The following CTPS2 variants were observed in gnomAD, a reference collection of about 807,000 sequenced individuals.
CTPS2 encodes the protein CTP synthase II.
In CTPS2, 19 loss-of-function variants were observed where a neutral mutation model predicts 46.8. The ratio of observed to expected loss-of-function variants is 0.41; its 90% CI spans 0.28 to 0.60. The LOEUF is 0.60. CTPS2 is among the 20% of genes least tolerant of loss of function. The pLI is 0.35. For missense variants in CTPS2, 286 were observed against 447.6 expected, an observed-to-expected ratio of 0.64 and a Z score of 3.26; for synonymous variants, 151 against 165.2, an observed-to-expected ratio of 0.91 and a Z score of 0.66.
At chrX:16,657,732 T>C (rs920192260) in intron 13 of CTPS2, among the ~76,000 whole-genome samples, 1 of 112,092 alleles carries the variant, frequency 8.9e-6, no homozygotes, top group African/African-American at 3.2e-5. Context: ...TGCTGCTCTT[T>C]GTGATTAGCC....
chrX:16,700,663 C>G (rs1397395677), intron 2 of CTPS2, among the ~76,000 whole-genome samples: 5 of 110,246 alleles, frequency 4.5e-5, no homozygotes, highest in African/African-American at 1.6e-4. Context: ...CCCAAAATCT[C>G]TGCAACTTAC....
At chrX:16,620,978 C>A (rs1930795287) in intron 14 of CTPS2, among the ~76,000 whole-genome samples, 1 of 112,233 alleles carries the variant, frequency 8.9e-6, no homozygotes, top group Admixed American at 9.5e-5. Flanking sequence ...ATGTGCACTG[C>A]TGAATTATTT....
At chrX:16,656,344 G>C (rs914959570) in intron 13 of CTPS2, among the ~76,000 whole-genome samples, 1 of 111,250 alleles carries the variant, frequency 9.0e-6, no homozygotes, top group Non-Finnish European at 1.9e-5. Flanking sequence ...TCGCGCTCTA[G>C]AGCCCAGACT....
At chrX:16,680,673 C>T (rs1157287265) in intron 9 of CTPS2, among the ~76,000 whole-genome samples, 1 of 110,934 alleles carries the variant, frequency 9.0e-6, no homozygotes, top group African/African-American at 3.3e-5. Context: ...TTTTCCATTG[C>T]CATTTTCTTT....
At chrX:16,670,326 G>A (rs1207691973) in intron 11 of CTPS2, among the ~76,000 whole-genome samples, 2 of 112,227 alleles carry the variant, frequency 1.8e-5, no homozygotes, top group Non-Finnish European at 3.8e-5. Context: ...AAACTCTGAC[G>A]TTGGACCACA....
intron 9 of CTPS2, 66 bp downstream of exon 9, chrX:16,683,028 C>T: frequency 8.6e-7 from 1 of 1,167,864 alleles, no homozygotes; most frequent in Admixed American, 2.3e-5. Flanking sequence ...ACAAAACTTG[C>T]CCCTCTGGAA....
chrX:16,633,520 G>A (rs1032267471), intron 14 of CTPS2, among the ~76,000 whole-genome samples: 18 of 111,886 alleles, frequency 1.6e-4, no homozygotes, highest in Admixed American at 8.6e-4. Flanking sequence ...GGACACAGCC[G>A]TGCTCGTTCA....
At chrX:16,592,780 A>G (rs2147153911) in intron 17 of CTPS2, among the ~76,000 whole-genome samples, 1 of 112,274 alleles carries the variant, frequency 8.9e-6, no homozygotes, top group East Asian at 2.8e-4. Flanking sequence ...CATAGGTCCA[A>G]GAGTTGGAGA....
At chrX:16,622,240 T>C (rs1930881721) in intron 14 of CTPS2, among the ~76,000 whole-genome samples, 1 of 108,401 alleles carries the variant, frequency 9.2e-6, no homozygotes, top group Non-Finnish European at 1.9e-5. Flanking sequence ...ACCCCATCTC[T>C]ACTAAACAAA....
intron 17 of CTPS2, among the ~76,000 whole-genome samples, chrX:16,594,790 T>G (rs777576754): frequency 1.8e-5 from 2 of 112,601 alleles, no homozygotes; most frequent in South Asian, 7.4e-4. Flanking sequence ...GTTCACTAAT[T>G]GTCTTTCATA....
At chrX:16,614,889 A>T (rs113291568) in intron 16 of CTPS2, among the ~76,000 whole-genome samples, 1,505 of 112,316 alleles carry the variant, frequency 0.013, 20 homozygotes, top group African/African-American at 0.046. Context: ...AAAAAATTTT[A>T]AAATTGGCTG....
intron 17 of CTPS2, among the ~76,000 whole-genome samples, chrX:16,603,018 A>C (rs1341647708): frequency 9.0e-6 from 1 of 111,639 alleles, no homozygotes; most frequent in Non-Finnish European, 1.9e-5. Context: ...TCCTTGCTTT[A>C]AATACAGCAA....
intron 10 of CTPS2, among the ~76,000 whole-genome samples, chrX:16,674,558 G>A (rs776924366): frequency 3.6e-5 from 4 of 111,134 alleles, no homozygotes; most frequent in Non-Finnish European, 7.6e-5. Flanking sequence ...AATTACGCAG[G>A]CCGGGCATGG....
At chrX:16,669,745 C>G (rs762376442) in intron 11 of CTPS2, among the ~76,000 whole-genome samples, 15 of 109,643 alleles carry the variant, frequency 1.4e-4, no homozygotes, top group Non-Finnish European at 2.7e-4. Context: ...GCACTAAAAG[C>G]CTGTCCAATG....
At chrX:16,667,636 T>C (rs760219224) in intron 12 of CTPS2, 26 bp downstream of exon 12, 11 of 1,206,848 alleles carry the variant, frequency 9.1e-6, no homozygotes, top group Non-Finnish European at 1.2e-5. Flanking sequence ...TTTAAATAAA[T>C]GGTCATTAGC....
chrX:16,707,946 C>G (rs910227387), intron 1 of CTPS2, among the ~76,000 whole-genome samples: 1 of 111,366 alleles, frequency 9.0e-6, no homozygotes, highest in African/African-American at 3.3e-5. Context: ...CACACCACTG[C>G]ATTCCAGCCT....
At chrX:16,684,509 CAAAAA>C in intron 8 of CTPS2, among the ~76,000 whole-genome samples, 2 of 70,045 alleles carry the variant, frequency 2.9e-5, no homozygotes, top group East Asian at 4.5e-4. Flanking sequence ...ACTCTGTCTC[CAAAAA>C]AAAAAAAAAA....
At chrX:16,674,862 C>T (rs1411863414) in intron 10 of CTPS2, among the ~76,000 whole-genome samples, 1 of 108,927 alleles carries the variant, frequency 9.2e-6, no homozygotes, top group African/African-American at 3.3e-5. Flanking sequence ...AGAAATTATG[C>T]GTGTGGACAT....
chrX:16,659,347 G>C (rs775115858), intron 13 of CTPS2, among the ~76,000 whole-genome samples: 30 of 111,653 alleles, frequency 2.7e-4, no homozygotes, highest in African/African-American at 9.4e-4. Flanking sequence ...CATCAAAAAA[G>C]TAGCATTTCA....
Sources: gnomAD v4.1 joint callset for allele counts (sites outside exome capture counted in the v4.1 genomes callset) on GRCh38, gnomAD v4.1.1 for gene constraint, MANE v1.5 for transcripts, NCBI Gene and HGNC (gene_info 2026-07-23, HGNC 2026-07-21) for gene names.